NEXMIF: variants seen among roughly 807,000 people sequenced by gnomAD.
NEXMIF encodes the protein neurite extension and migration factor, also known as XLMR protein related to neurite extension.
NEXMIF carries 8 observed loss-of-function variants against 62.1 expected under a neutral mutation model. The observed-to-expected ratio is 0.13, with a 90% confidence interval of 0.08 to 0.23. The LOEUF (loss-of-function observed/expected upper bound fraction) is 0.23. NEXMIF is among the 10% of genes least tolerant of loss of function. The probability of loss-of-function intolerance (pLI) is 1.00; values close to 1 mark genes in which losing one functional copy is unlikely to be tolerated. For missense variants in NEXMIF, 976 were observed against 1,113.3 expected, an observed-to-expected ratio of 0.88 and a Z score of 1.75; for synonymous variants, 404 against 416.6, an observed-to-expected ratio of 0.97 and a Z score of 0.37.
In NEXMIF at chrX:74,742,222, C is replaced by T; in HGVS notation, c.2335G>A (p.Ala779Thr). 1 of 1,210,826 alleles carries T rather than the reference C, an allele frequency of 8.3e-7. No homozygotes were observed. Among genetic ancestry groups the T allele is most frequent in the South Asian group, 1.8e-5 (1 of 56,955 alleles). Residue 779 changes from alanine to threonine, a missense_variant, in exon 3 of 4, where the codon GCA (alanine) becomes ACA (threonine). By Grantham distance (58) the Ala-to-Thr change is moderately conservative. Transcript: ENST00000055682. ...AAAGTGGAACTCTTAGCAGCCTTTG[C>T]CTCATGAAATTCAGATAGACGGGAA... The part of the protein sequence containing the change: ...NSSRLSEFHE[A>T]KAAKSSTFLP...
rs145992424 is a variant in NEXMIF at position 74,877,779 on chromosome X, G to A, written c.-48+47104C>T. On this transcript the variant is annotated intron_variant, in intron 1 of 3. Transcript: ENST00000055682. ...CTGATACCGTTTCTTGCAGTTGATC[G>A]CATCGGCTCCTGAGGCTTCTGCATT... Among the ~76,000 whole-genome samples, 406 of 111,669 alleles carry A rather than the reference G, an allele frequency of 3.6e-3. 5 individuals carry two copies. The highest frequency in any genetic ancestry group is 0.012 in the African/African-American group (382 of 30,767).
At position 74,863,804 on chromosome X, in the gene NEXMIF, A is replaced by G. The variant is rs1371763054; in HGVS notation, c.-48+61079T>C. On this transcript the variant is annotated intron_variant, in intron 1 of 3. Transcript: ENST00000055682. The stretch of plus-strand genomic sequence containing the variant: ...GATACCAAAACCTGGCAGAGATACA[A>G]TAAAAAAAGAAAACTTCAGGCCAAT... Among the ~76,000 whole-genome samples, 4 of 112,214 alleles carry G rather than the reference A, an allele frequency of 3.6e-5. No individual in the cohort carries two copies. The Admixed American group carries it at 3.8e-4, about 11-fold the overall frequency.
intron 1 of NEXMIF, among the ~76,000 whole-genome samples, chrX:74,810,609 A>G (rs1225831722): frequency 3.2e-5 from 3 of 94,999 alleles, no homozygotes; most frequent in African/African-American, 1.1e-4. Context: ...GACCAGCCTG[A>G]GCAACATGGC....
In NEXMIF at chrX:74,741,987, G is replaced by A. The variant is rs758329821; in HGVS notation, c.2570C>T (p.Pro857Leu). 5 of 1,209,602 alleles carry A rather than the reference G, an allele frequency of 4.1e-6. No individual in the cohort carries two copies. The African/African-American group carries it at 7.0e-5, about 17-fold the overall frequency. ...QTEKSFVPLQ[P>L]TQDCVLTSSS... ...TGAGGTGAGCACACAGTCCTGGGTA[G>A]GCTGGAGGGGTACAAATGATTTTTC... is the stretch of plus-strand genomic sequence containing the variant. The change falls in exon 3 of 4, where the codon CCT becomes CTT. Residue 857 changes from proline to leucine, a missense_variant. By Grantham distance (98) the Pro-to-Leu change is moderately conservative. Transcript: ENST00000055682.
intron 1 of NEXMIF, among the ~76,000 whole-genome samples, chrX:74,807,380 A>G (rs913340308): frequency 4.5e-5 from 5 of 111,097 alleles, no homozygotes; most frequent in Non-Finnish European, 9.4e-5. Flanking sequence ...CAGTAGTGTG[A>G]TCATACCAAA....
chrX:74,813,845 G>C (rs1305214875), intron 1 of NEXMIF, among the ~76,000 whole-genome samples: 2 of 112,082 alleles, frequency 1.8e-5, no homozygotes, highest in Non-Finnish European at 3.8e-5. Flanking sequence ...TTTCAGTTGT[G>C]AGGGTCAAAT....
chrX:74,868,897 A>G (rs1411898032), intron 1 of NEXMIF, among the ~76,000 whole-genome samples: 1 of 111,789 alleles, frequency 8.9e-6, no homozygotes, highest in Non-Finnish European at 1.9e-5. Context: ...AGTTCTACCA[A>G]ACATTTAAAG....
At chrX:74,851,848 T>C (rs1285050077) in intron 1 of NEXMIF, among the ~76,000 whole-genome samples, 3 of 111,777 alleles carry the variant, frequency 2.7e-5, no homozygotes, top group Admixed American at 9.5e-5. Flanking sequence ...TCAAATGTTA[T>C]GACTACGGAA....
intron 1 of NEXMIF, among the ~76,000 whole-genome samples, chrX:74,882,919 A>G (rs1334203880): frequency 9.0e-6 from 1 of 111,337 alleles, no homozygotes; most frequent in African/African-American, 3.3e-5. Flanking sequence ...CTGACACCTC[A>G]CACAACTGGG....
chrX:74,806,921 A>G (rs759494171), intron 1 of NEXMIF, among the ~76,000 whole-genome samples: 44 of 112,831 alleles, frequency 3.9e-4, no homozygotes, highest in African/African-American at 1.3e-3. Context: ...TCTGTTGCCA[A>G]TTCCACAACG....
intron 1 of NEXMIF, among the ~76,000 whole-genome samples, chrX:74,836,773 G>A (rs2080458256): frequency 9.0e-6 from 1 of 111,541 alleles, no homozygotes; most frequent in African/African-American, 3.3e-5. Flanking sequence ...CATGGGGCAA[G>A]CACTCCTTTA....
Position 74,757,504 on chromosome X carries a change from G to T in NEXMIF, c.-47-11807C>A, listed in dbSNP as rs188054774. On this transcript the variant is annotated intron_variant, in intron 1 of 3. Transcript: ENST00000055682. ...ACCATTCTAATGTGGTAAATTGCGG[G>T]TATCTTATCTCCATGGAATAGAGAC... Among the ~76,000 whole-genome samples the T allele has an allele frequency of 6.3e-5, 7 of 111,775 alleles. 1 individual carries two copies. In the Admixed American group the frequency reaches 6.7e-4, roughly 11 times the overall value.
At chrX:74,885,442 C>T (rs2080687801) in intron 1 of NEXMIF, among the ~76,000 whole-genome samples, 1 of 111,344 alleles carries the variant, frequency 9.0e-6, no homozygotes, top group Middle Eastern at 4.6e-3. Flanking sequence ...CAAATAGACG[C>T]AATAAAAAAT....
At chrX:74,915,153 C>G (rs146791336) in intron 1 of NEXMIF, among the ~76,000 whole-genome samples, 140 of 111,628 alleles carry the variant, frequency 1.3e-3, no homozygotes, top group African/African-American at 4.2e-3. Flanking sequence ...TACATGTGTG[C>G]TGGCTGGGCA....
intron 1 of NEXMIF, among the ~76,000 whole-genome samples, chrX:74,878,474 C>T (rs1247172579): frequency 1.8e-5 from 2 of 112,763 alleles, no homozygotes; most frequent in Non-Finnish European, 3.8e-5. Flanking sequence ...GAGGTGGAGC[C>T]TACAGAGGCA....
At chrX:74,785,287 G>A (rs1354751667) in intron 1 of NEXMIF, among the ~76,000 whole-genome samples, 1 of 110,798 alleles carries the variant, frequency 9.0e-6, no homozygotes, top group South Asian at 3.9e-4. Flanking sequence ...AAGAAACTGA[G>A]ATCAAATGGC....
rs774736329 is a variant in NEXMIF, at chrX:74,785,809, C to T, written c.-47-40112G>A. 3.9e-4 allele frequency among the ~76,000 whole-genome samples: 44 copies of T among 112,157 alleles called. No homozygotes were observed. In the South Asian group the frequency reaches 0.013, roughly 34 times the overall value. On this transcript the variant is annotated intron_variant, in intron 1 of 3. Transcript: ENST00000055682. ...CAACATAACCTTGCTGTGCTCCAAA[C>T]GCCTAAAGGGCTGGCTTTGTCACTC... is the stretch of plus-strand genomic sequence containing the variant.
intron 1 of NEXMIF, among the ~76,000 whole-genome samples, chrX:74,884,983 T>A (rs1602265860): frequency 9.0e-6 from 1 of 110,540 alleles, no homozygotes; most frequent in African/African-American, 3.3e-5. Flanking sequence ...GAACTCAGGA[T>A]TAAGAAACTC....
At chrX:74,885,296 C>A (rs1336618590) in intron 1 of NEXMIF, among the ~76,000 whole-genome samples, 2 of 111,478 alleles carry the variant, frequency 1.8e-5, no homozygotes, top group African/African-American at 6.5e-5. Flanking sequence ...TAACTAAGAT[C>A]AGAGCAGAAC....
Sources: gnomAD v4.1 joint callset for allele counts (sites outside exome capture counted in the v4.1 genomes callset) on GRCh38, gnomAD v4.1.1 for gene constraint, MANE v1.5 for transcripts, NCBI Gene and HGNC (gene_info 2026-07-23, HGNC 2026-07-21) for gene names.